CACNA2D3: variants seen among roughly 807,000 people sequenced by gnomAD.
The protein encoded by CACNA2D3 is calcium voltage-gated channel auxiliary subunit alpha2delta 3, also known as voltage-dependent calcium channel subunit alpha-2/delta-3.
In CACNA2D3, 60 loss-of-function variants were observed where a neutral mutation model predicts 160.6. That is an observed-to-expected ratio of 0.37 (90% CI 0.30 to 0.46). The LOEUF (loss-of-function observed/expected upper bound fraction) is 0.46. CACNA2D3 is among the 20% of genes least tolerant of loss of function. CACNA2D3 has a pLI of 1.00. For missense variants in CACNA2D3, 1,205 were observed against 1,365.0 expected (o/e 0.88, Z 1.85); for synonymous variants, 558 against 492.9 (o/e 1.13, Z -1.75).
chr3:54,866,821 GCTC>G lies in CACNA2D3; in HGVS notation c.1627-4714_1627-4712del, dbSNP rs1699411356. Among the ~76,000 whole-genome samples, 4 of 152,320 alleles carry G rather than the reference GCTC, an allele frequency of 2.6e-5. No individual in the cohort carries two copies. The South Asian group carries it at 8.3e-4, about 32-fold the overall frequency. Reference sequence around the variant, plus strand: ...TGCAGGCAAGTCCTGGTTCCAGCTTGCTCCTCGGATGAGTGCCCTCTCGTCCCA... The same window carrying G: ...TGCAGGCAAGTCCTGGTTCCAGCTTGCTCGGATGAGTGCCCTCTCGTCCCA... On this transcript the variant is annotated intron_variant, in intron 17 of 37. Coordinates refer to ENST00000474759, the MANE Select transcript of CACNA2D3 (RefSeq NM_018398.3).
At chr3:54,327,165 G>A (rs905122826) in intron 3 of CACNA2D3, among the ~76,000 whole-genome samples, 7 of 152,164 alleles carry the variant, frequency 4.6e-5, no homozygotes, top group African/African-American at 7.2e-5. Context: ...CAGGGTTTCC[G>A]CTAACATACT....
chr3:54,903,304 G>T (rs528523549), intron 27 of CACNA2D3, among the ~76,000 whole-genome samples: 7 of 152,284 alleles, frequency 4.6e-5, no homozygotes, highest in African/African-American at 1.7e-4. Context: ...AGAACATGCG[G>T]TATTTGGTTT....
chr3:54,892,054 G>T (rs1409041671), intron 25 of CACNA2D3, among the ~76,000 whole-genome samples: 2 of 152,166 alleles, frequency 1.3e-5, no homozygotes, highest in East Asian at 3.9e-4. Flanking sequence ...CTAAGCCCCT[G>T]CATCTTCAGA....
intron 17 of CACNA2D3, among the ~76,000 whole-genome samples, chr3:54,867,442 C>T (rs1251930664): frequency 1.4e-5 from 2 of 146,276 alleles, no homozygotes; most frequent in Admixed American, 1.4e-4. Context: ...AAAAGCCATT[C>T]ATTTGAAAAG....
intron 27 of CACNA2D3, among the ~76,000 whole-genome samples, chr3:54,929,005 C>T (rs556991337): frequency 7.9e-5 from 12 of 152,240 alleles, no homozygotes; most frequent in African/African-American, 2.9e-4. Flanking sequence ...CTAGATAAAA[C>T]AAAATGTTCT....
chr3:54,813,991 G>A (rs1422894712), intron 13 of CACNA2D3, among the ~76,000 whole-genome samples: 3 of 150,382 alleles, frequency 2.0e-5, no homozygotes, highest in Admixed American at 2.0e-4. Flanking sequence ...TCAGCCTCCC[G>A]AGTAGCTGGG....
At chr3:54,739,139 G>T (rs1399409459) in intron 11 of CACNA2D3, among the ~76,000 whole-genome samples, 1 of 151,424 alleles carries the variant, frequency 6.6e-6, no homozygotes, top group Non-Finnish European at 1.5e-5. Context: ...AAAAAAAAAA[G>T]ACTTGGCAGA....
At chr3:54,884,413 T>A (rs1699878322) in intron 21 of CACNA2D3, among the ~76,000 whole-genome samples, 1 of 152,216 alleles carries the variant, frequency 6.6e-6, no homozygotes, top group African/African-American at 2.4e-5. Context: ...ATAGGTCTAG[T>A]ATTTTGCTAC....
At chr3:55,001,153 A>G (rs1702972875) in intron 31 of CACNA2D3, among the ~76,000 whole-genome samples, 1 of 152,338 alleles carries the variant, frequency 6.6e-6, no homozygotes, top group South Asian at 2.1e-4. Context: ...CCTTCCGCTA[A>G]GAAGCCCATG....
chr3:54,573,677 A>G (rs1965458), intron 8 of CACNA2D3, among the ~76,000 whole-genome samples: 54,899 of 152,062 alleles, frequency 0.36, 10,813 homozygotes, highest in Non-Finnish European at 0.44. Context: ...TATGCACCAA[A>G]GGGTATACAC....
At chr3:54,389,558 C>T (rs745791208) in intron 4 of CACNA2D3, among the ~76,000 whole-genome samples, 15 of 152,102 alleles carry the variant, frequency 9.9e-5, no homozygotes, top group Non-Finnish European at 2.1e-4. Context: ...AACAAATAAT[C>T]GAAGTTAATG....
In CACNA2D3 at chr3:54,136,993, T is replaced by C. The variant is rs181188637; in HGVS notation, c.204+13399T>C. 1.2e-4 allele frequency among the ~76,000 whole-genome samples: 18 copies of C among 152,368 alleles called. No homozygotes were observed. The East Asian group carries it at 3.1e-3, about 26-fold the overall frequency. On this transcript the variant is annotated intron_variant, in intron 2 of 37. Coordinates refer to ENST00000474759, the MANE Select transcript of CACNA2D3 (RefSeq NM_018398.3). ...TCATTCCCTCCCTTCCATTCTGGCC[T>C]ATGCACATCTTGATTGCTGCCCTGT...
intron 2 of CACNA2D3, among the ~76,000 whole-genome samples, chr3:54,232,684 T>G (rs75052572): frequency 0.05 from 7,573 of 152,258 alleles, 323 homozygotes; most frequent in East Asian, 0.2. Flanking sequence ...TCTTTGTAAG[T>G]CTTTCCCTAA....
intron 4 of CACNA2D3, among the ~76,000 whole-genome samples, chr3:54,482,331 G>A (rs904823096): frequency 9.2e-5 from 14 of 152,164 alleles, no homozygotes; most frequent in South Asian, 2.1e-4. Flanking sequence ...TTCTGCTTCC[G>A]TAACACTTAG....
chr3:54,812,508 A>G (rs114057066), intron 13 of CACNA2D3, among the ~76,000 whole-genome samples: 1 of 152,362 alleles, frequency 6.6e-6, no homozygotes, highest in South Asian at 2.1e-4. Flanking sequence ...GAGCACGGAC[A>G]GTCTTCATGT....
At chr3:54,657,667 T>G (rs1395672737) in intron 11 of CACNA2D3, among the ~76,000 whole-genome samples, 1 of 152,220 alleles carries the variant, frequency 6.6e-6, no homozygotes, top group Non-Finnish European at 1.5e-5. Flanking sequence ...TTGCATAATG[T>G]CTTCCAGGTC....
rs148497615 is a variant in CACNA2D3 at position 54,304,525 on chromosome 3, A to T, written c.205-15917A>T. 4.8e-4 allele frequency among the ~76,000 whole-genome samples: 73 copies of T among 152,392 alleles called. 1 individual carries two copies. Among genetic ancestry groups the T allele is most frequent in the Middle Eastern group, 6.8e-3 (2 of 294 alleles). ...ATCTTACATTTAAAAAAAGATCTGT[A>T]AAGATATAAATTGAGGAGTAAACTG... is the stretch of plus-strand genomic sequence containing the variant. On this transcript the variant is annotated intron_variant, in intron 2 of 37. Transcript: ENST00000474759.
chr3:54,158,109 A>T (rs1576966792), intron 2 of CACNA2D3, among the ~76,000 whole-genome samples: 2 of 152,284 alleles, frequency 1.3e-5, no homozygotes, highest in East Asian at 1.9e-4. Context: ...CAGTCTGGCT[A>T]CTTAGAGCTT....
chr3:54,190,754 C>T (rs1401213047), intron 2 of CACNA2D3, among the ~76,000 whole-genome samples: 1 of 152,150 alleles, frequency 6.6e-6, no homozygotes, highest in Non-Finnish European at 1.5e-5. Flanking sequence ...ATACATTTTA[C>T]AAACATTAGT....
Sources: gnomAD v4.1 joint callset for allele counts (sites outside exome capture counted in the v4.1 genomes callset) on GRCh38, gnomAD v4.1.1 for gene constraint, MANE v1.5 for transcripts, NCBI Gene and HGNC (gene_info 2026-07-23, HGNC 2026-07-21) for gene names.